Variants in GBE1 observed in about 807,000 individuals in gnomAD.
The protein encoded by GBE1 is 1,4-alpha-glucan-branching enzyme.
Under a neutral mutation model 88.8 loss-of-function variants are expected in GBE1, and 70 were observed. The ratio of observed to expected loss-of-function variants is 0.79; its 90% CI spans 0.65 to 0.96. The LOEUF (loss-of-function observed/expected upper bound fraction) is 0.96, where lower values mean the gene tolerates loss of function less well. Ranked by LOEUF, GBE1 falls within the 40% of genes least tolerant of loss-of-function variation. GBE1 has a pLI of 0.00. For missense variants in GBE1, 872 were observed against 871.0 expected (o/e 1.00, Z -0.01); for synonymous variants, 284 against 300.1 (o/e 0.95, Z 0.56).
intron 14 of GBE1, among the ~76,000 whole-genome samples, chr3:81,518,677 G>A (rs973915332): frequency 6.6e-6 from 1 of 151,370 alleles, no homozygotes; most frequent in African/African-American, 2.4e-5. Flanking sequence ...ATGTTTAAAA[G>A]TATTAGTCAT....
intron 2 of GBE1, 148 bp from the exon 3 acceptor site, chr3:81,671,101 G>A: frequency 4.7e-6 from 2 of 422,812 alleles, no homozygotes; most frequent in Non-Finnish European, 4.2e-6. Context: ...AAATACTAGT[G>A]GTTTAGAAAA....
At chr3:81,518,196 G>A (rs1465623540) in intron 14 of GBE1, among the ~76,000 whole-genome samples, 2 of 151,346 alleles carry the variant, frequency 1.3e-5, no homozygotes, top group African/African-American at 2.4e-5. Context: ...AGAAGGGCAA[G>A]AAATAGAAGA....
At chr3:81,554,332 A>T (rs17019070) in intron 12 of GBE1, among the ~76,000 whole-genome samples, 15 of 152,192 alleles carry the variant, frequency 9.9e-5, no homozygotes, top group Non-Finnish European at 1.5e-4. Flanking sequence ...CAACTGAAAG[A>T]TTCCACACCA....
rs149211449 is a variant in GBE1, at chr3:81,711,488, G to A, written c.144-5875C>T. On this transcript the variant is annotated intron_variant, in intron 1 of 15. Transcript: ENST00000429644. ...CCCATTTCTTGTTTTTGTCAGGGTC[G>A]TCAAAGATCAGATGGTTGTAGATGT... Among the ~76,000 whole-genome samples the A allele has an allele frequency of 4.6e-3, 703 of 152,136 alleles. 16 individuals carry two copies. Among genetic ancestry groups the A allele is most frequent in the East Asian group, 2.5e-3 (13 of 5,174 alleles).
intron 9 of GBE1, among the ~76,000 whole-genome samples, chr3:81,586,948 T>C (rs536350621): frequency 6.6e-6 from 1 of 152,056 alleles, no homozygotes; most frequent in East Asian, 1.9e-4. Flanking sequence ...ACCACCATTC[T>C]CAGCTAATAT....
At chr3:81,622,330 T>C (rs1219816718) in intron 7 of GBE1, among the ~76,000 whole-genome samples, 1 of 152,204 alleles carries the variant, frequency 6.6e-6, no homozygotes, top group Non-Finnish European at 1.5e-5. Context: ...ACTAACTCCT[T>C]CTAAAACATG....
At chr3:81,517,547 G>T (rs564554416) in intron 14 of GBE1, among the ~76,000 whole-genome samples, 1 of 151,356 alleles carries the variant, frequency 6.6e-6, no homozygotes, top group Admixed American at 6.6e-5. Flanking sequence ...AAAAGAAATG[G>T]TTAGCTAATG....
intron 11 of GBE1, among the ~76,000 whole-genome samples, chr3:81,578,748 C>T (rs1410480021): frequency 6.6e-6 from 1 of 151,840 alleles, no homozygotes; most frequent in Admixed American, 6.6e-5. Context: ...AGCAGAGAGA[C>T]CTCCTAAAAA....
chr3:81,552,136 T>C (rs1576145583), intron 12 of GBE1, among the ~76,000 whole-genome samples: 1 of 152,256 alleles, frequency 6.6e-6, no homozygotes, highest in Non-Finnish European at 1.5e-5. Flanking sequence ...TCTACATGAT[T>C]ACAATTGCTT....
intron 1 of GBE1, among the ~76,000 whole-genome samples, chr3:81,737,617 T>C (rs1159999777): frequency 6.6e-6 from 1 of 151,412 alleles, no homozygotes; most frequent in East Asian, 1.9e-4. Context: ...AGAATTTTTG[T>C]ATGTGTTGAA....
chr3:81,689,845 C>T (rs1442528166), intron 2 of GBE1, among the ~76,000 whole-genome samples: 1 of 152,102 alleles, frequency 6.6e-6, no homozygotes, highest in Non-Finnish European at 1.5e-5. Context: ...GGAGCCCGGC[C>T]CCTCCTCTTC....
chr3:81,569,099 C>T (rs1480531743), intron 12 of GBE1, among the ~76,000 whole-genome samples: 1 of 152,042 alleles, frequency 6.6e-6, no homozygotes, highest in Non-Finnish European at 1.5e-5. Flanking sequence ...AGTGACACAA[C>T]TGTTTTATGG....
chr3:81,703,376 C>A (rs1705727277), intron 2 of GBE1, among the ~76,000 whole-genome samples: 3 of 151,902 alleles, frequency 2.0e-5, no homozygotes. Context: ...ATGAAATTTT[C>A]TAACAACTCT....
At chr3:81,656,227 C>T (rs1403461458) in intron 3 of GBE1, among the ~76,000 whole-genome samples, 2 of 152,088 alleles carry the variant, frequency 1.3e-5, no homozygotes, top group African/African-American at 4.8e-5. Flanking sequence ...GATTAAAGTA[C>T]AAATCTGGAA....
intron 11 of GBE1, among the ~76,000 whole-genome samples, chr3:81,579,512 ATTTG>A (rs1411185003): frequency 6.6e-6 from 1 of 152,012 alleles, no homozygotes; most frequent in East Asian, 1.9e-4. Flanking sequence ...CATGCCACTT[ATTTG>A]TTTACTCTTT....
chr3:81,641,847 T>C (rs147795230), intron 7 of GBE1, among the ~76,000 whole-genome samples: 115 of 151,412 alleles, frequency 7.6e-4, no homozygotes, highest in Non-Finnish European at 1.4e-3. Flanking sequence ...TTTATGTTTA[T>C]GTATGATGCA....
At chr3:81,580,622 G>C (rs1000222316) in intron 11 of GBE1, among the ~76,000 whole-genome samples, 1 of 152,182 alleles carries the variant, frequency 6.6e-6, no homozygotes, top group Non-Finnish European at 1.5e-5. Flanking sequence ...TACAGGCTTC[G>C]ACCAGTATAT....
At chr3:81,526,660 C>A (rs1195606572) in intron 14 of GBE1, among the ~76,000 whole-genome samples, 3 of 152,088 alleles carry the variant, frequency 2.0e-5, no homozygotes. Context: ...ATCCAACTTA[C>A]AAGGGATGTT....
At chr3:81,530,224 T>G (rs1217041765) in intron 14 of GBE1, among the ~76,000 whole-genome samples, 2 of 151,956 alleles carry the variant, frequency 1.3e-5, no homozygotes, top group Non-Finnish European at 2.9e-5. Context: ...CTAAATTCCT[T>G]CTCTGTTAAA....
Sources: allele counts gnomAD v4.1 joint callset (sites outside exome capture counted in the v4.1 genomes callset), GRCh38; gene constraint gnomAD v4.1.1; transcripts MANE v1.5; gene names NCBI Gene and HGNC (gene_info 2026-07-23, HGNC 2026-07-21).